EML6: variants seen among roughly 807,000 people sequenced by gnomAD.
The protein encoded by EML6 is echinoderm microtubule-associated protein-like 6.
Under a neutral mutation model 240.1 loss-of-function variants are expected in EML6, and 154 were observed. That is an observed-to-expected ratio of 0.64 (90% confidence interval 0.56 to 0.73). The LOEUF (loss-of-function observed/expected upper bound fraction) is 0.73. Ranked by LOEUF, EML6 falls within the 30% of genes least tolerant of loss-of-function variation. The probability of loss-of-function intolerance (pLI) is 0.00; values close to 1 mark genes in which losing one functional copy is unlikely to be tolerated. For missense variants in EML6, 2,964 were observed against 2,474.6 expected (o/e 1.20, Z -4.20); for synonymous variants, 1,148 against 899.0 (o/e 1.28, Z -4.95).
At chr2:54,911,609 A>T (rs1268069940) in intron 25 of EML6, among the ~76,000 whole-genome samples, 1 of 151,374 alleles carries the variant, frequency 6.6e-6, no homozygotes, top group Non-Finnish European at 1.5e-5. Context: ...TTTTTATTTT[A>T]TTTTTTTAGT....
intron 12 of EML6, 32 bp from the exon 13 acceptor site, chr2:54,863,751 T>A (rs1156234687): frequency 8.5e-7 from 1 of 1,174,240 alleles, no homozygotes. Context: ...CTCAGAATTT[T>A]TGCTTGTTTC....
rs544589020 is a variant in EML6, at chr2:54,889,196, C to G, written c.2439-1858C>G. On this transcript the variant is annotated intron_variant, in intron 17 of 41. Coordinates refer to ENST00000356458, the MANE Select transcript of EML6 (RefSeq NM_001039753.4). ...GTACTATACTGTTTTAATTATGGAG[C>G]CTTTATAGATTGTTTTAATACCTAG... is the stretch of plus-strand genomic sequence containing the variant. Among the ~76,000 whole-genome samples, 17 of 152,196 alleles carry G rather than the reference C, an allele frequency of 1.1e-4. 1 individual carries two copies. Among genetic ancestry groups the G allele is most frequent in the African/African-American group, 4.1e-4 (17 of 41,512 alleles).
intron 11 of EML6, among the ~76,000 whole-genome samples, chr2:54,855,109 T>TAGAAA (rs1420416830): frequency 3.3e-5 from 5 of 152,208 alleles, no homozygotes; most frequent in African/African-American, 1.2e-4. Context: ...AAGCATGTGT[T>TAGAAA]AGTCTATTCT....
intron 28 of EML6, among the ~76,000 whole-genome samples, chr2:54,933,820 G>A (rs895838282): frequency 2.6e-5 from 4 of 152,082 alleles, no homozygotes; most frequent in Non-Finnish European, 5.9e-5. Flanking sequence ...AAAAAGAGGC[G>A]GCTCAAAGTC....
Position 54,968,694 on chromosome 2 carries a change from C to T in EML6, c.5778C>T (p.His1926=), listed in dbSNP as rs77804209. 2 of 1,551,284 alleles carry T rather than the reference C, an allele frequency of 1.3e-6. No individual in the cohort carries two copies. The highest frequency in any genetic ancestry group is 1.7e-6 in the Non-Finnish European group (2 of 1,146,594). ...CCAAACATAAGCGATACTTCGGTCA[C>T]TCGGCTCACGTGACGAACATCCGTT... ...KFAKHKRYFG[H]SAHVTNIRFS... The change falls in exon 41 of 42, where the codon CAC becomes CAT. Residue 1926 remains histidine, a synonymous_variant. Transcript: ENST00000356458.
Position 54,820,394 on chromosome 2 carries a change from A to G in EML6, c.457A>G (p.Ile153Val). 1.9e-6 allele frequency: 3 copies of G among 1,548,030 alleles called. No individual in the cohort carries two copies. Among genetic ancestry groups the G allele is most frequent in the Non-Finnish European group, 2.6e-6 (3 of 1,144,248 alleles). The change falls in exon 5 of 42, where the codon ATT (isoleucine) becomes GTT (valine). Residue 153 changes from isoleucine to valine, a missense_variant and splice_region_variant. By Grantham distance (29) the Ile-to-Val change is conservative (BLOSUM62 3). Coordinates refer to ENST00000356458, the MANE Select transcript of EML6 (RefSeq NM_001039753.4). ...TGGCAACTTTTAATGTTTTGAACAG[A>G]TTTTTGATATTTCCTGGGATCCATA... ...LASATGHSDR[I>V]FDISWDPYQP...
intron 2 of EML6, among the ~76,000 whole-genome samples, chr2:54,750,672 G>T (rs572651407): frequency 6.6e-6 from 1 of 152,100 alleles, no homozygotes; most frequent in Non-Finnish European, 1.5e-5. Flanking sequence ...ATGGGTATAG[G>T]CAGTATGTTG....
intron 21 of EML6, among the ~76,000 whole-genome samples, 170 bp from the exon 22 acceptor site, chr2:54,899,471 T>C (rs1056155978): frequency 9.9e-5 from 15 of 151,728 alleles, no homozygotes; most frequent in African/African-American, 3.4e-4. Flanking sequence ...CAAGTTTAAA[T>C]GAAAAAATTA....
At chr2:54,929,562 C>T (rs982892207) in intron 28 of EML6, among the ~76,000 whole-genome samples, 13 of 152,112 alleles carry the variant, frequency 8.5e-5, no homozygotes, top group African/African-American at 2.7e-4. Flanking sequence ...GTTGACAATA[C>T]GCTGGTCCCA....
At chr2:54,766,522 C>T (rs1668194306) in intron 2 of EML6, among the ~76,000 whole-genome samples, 1 of 152,108 alleles carries the variant, frequency 6.6e-6, no homozygotes, top group Non-Finnish European at 1.5e-5. Flanking sequence ...TACATAATAT[C>T]AGGAGGCACA....
At chr2:54,867,457 C>A (rs536450090) in intron 14 of EML6, 2 of 152,290 alleles carry the variant, frequency 1.3e-5, no homozygotes, top group South Asian at 4.1e-4. Context: ...GTTTGATTCT[C>A]ACTATGATCA....
intron 18 of EML6, 84 bp from the exon 19 acceptor site, chr2:54,892,370 G>T: frequency 1.2e-6 from 1 of 826,582 alleles, no homozygotes; most frequent in Non-Finnish European, 1.9e-6. Flanking sequence ...AGAGACACCA[G>T]GTTTCTCATG....
chr2:54,783,909 A>G (rs1244908634), intron 2 of EML6, among the ~76,000 whole-genome samples: 1 of 152,144 alleles, frequency 6.6e-6, no homozygotes, highest in African/African-American at 2.4e-5. Context: ...ATATCTGCAC[A>G]TTAGTGTATT....
intron 29 of EML6, among the ~76,000 whole-genome samples, chr2:54,949,592 C>G (rs1675870226): frequency 6.6e-6 from 1 of 152,172 alleles, no homozygotes; most frequent in Non-Finnish European, 1.5e-5. Context: ...ACTTCAGACT[C>G]CACCCTCTCT....
At chr2:54,969,602 T>C (rs1470929760) in intron 41 of EML6, among the ~76,000 whole-genome samples, 2 of 152,172 alleles carry the variant, frequency 1.3e-5, no homozygotes, top group African/African-American at 4.8e-5. Context: ...CGTAAATGAA[T>C]TGGTCACCCC....
chr2:54,871,533 A>G lies in EML6; in HGVS notation c.2272A>G (p.Thr758Ala), dbSNP rs956122300. ...AGATGCTGCTATTCATGTGTGGGAC[A>G]CACAAACTCTAAAATGTTTGTCGCT... is the stretch of plus-strand genomic sequence containing the variant. ...GRDAAIHVWD[T>A]QTLKCLSLLK... Residue 758 changes from threonine to alanine, a missense_variant, in exon 16 of 42, where the codon ACA (threonine) becomes GCA (alanine). Coordinates refer to ENST00000356458, the MANE Select transcript of EML6 (RefSeq NM_001039753.4). 3.9e-6 allele frequency: 6 copies of G among 1,551,680 alleles called. No individual in the cohort carries two copies. The highest frequency in any genetic ancestry group is 2.4e-5 in the East Asian group (1 of 40,934).
At chr2:54,825,148 G>T (rs1027460552) in intron 5 of EML6, among the ~76,000 whole-genome samples, 1 of 152,252 alleles carries the variant, frequency 6.6e-6, no homozygotes, top group South Asian at 2.1e-4. Context: ...AGATAACTCA[G>T]ACGGGGGGTG....
rs772379319 is a variant in EML6 at position 54,964,650 on chromosome 2, A to C, written c.5410A>C (p.Asn1804His). The C allele has an allele frequency of 6.4e-7, 1 of 1,552,370 alleles. No homozygotes were observed. Among genetic ancestry groups the C allele is most frequent in the Admixed American group, 2.0e-5 (1 of 51,018 alleles). ...VDFYDLTQGT[N>H]LNRIGYCKDI... is the part of the protein sequence containing the mutation. ...CTTCTATGACCTCACTCAGGGCACAAATCTGAACCGCATTGGCTACTGCAA... is the reference window on the plus strand; with the variant it reads ...CTTCTATGACCTCACTCAGGGCACACATCTGAACCGCATTGGCTACTGCAA... The change falls in exon 38 of 42, where the codon AAT (asparagine) becomes CAT (histidine). Residue 1804 changes from asparagine to histidine, a missense_variant. Asn to His is a moderately conservative substitution (Grantham distance 68). Transcript: ENST00000356458.
Position 54,928,295 on chromosome 2 carries a change from C to T in EML6, c.3676-18C>T. 1 of 1,547,414 alleles carries T rather than the reference C, an allele frequency of 6.5e-7. No homozygotes were observed. Among genetic ancestry groups the T allele is most frequent in the Non-Finnish European group, 8.7e-7 (1 of 1,143,332 alleles). On this transcript the variant is annotated intron_variant, in intron 26 of 41. Transcript: ENST00000356458. Reference sequence around the variant, plus strand: ...GAATAACAGTGGCTGGGGTAATAACCAATTTCGGGCTTTACAGGGACAGCA... The same window carrying T: ...GAATAACAGTGGCTGGGGTAATAACTAATTTCGGGCTTTACAGGGACAGCA...
Sources: allele counts gnomAD v4.1 joint callset (sites outside exome capture counted in the v4.1 genomes callset), GRCh38; gene constraint gnomAD v4.1.1; transcripts MANE v1.5; gene names NCBI Gene and HGNC (gene_info 2026-07-23, HGNC 2026-07-21).